The following SBF1 variants were observed in gnomAD, a reference collection of about 807,000 sequenced individuals.
SBF1 encodes the protein myotubularin-related protein 5.
SBF1 carries 65 observed loss-of-function variants against 215.8 expected under a neutral mutation model. The observed-to-expected ratio is 0.30, with a 90% confidence interval of 0.25 to 0.37. The LOEUF is 0.37. Among genes scored for constraint, SBF1 ranks in the 10% least tolerant of loss-of-function variants. The pLI is 1.00. For synonymous variants in SBF1, 1,410 were observed against 1,122.8 expected (o/e 1.26, Z -5.11); for missense variants, 2,634 against 2,667.8 (o/e 0.99, Z 0.28).
chr22:50,458,487 G>A (rs917611553), intron 28 of SBF1, among the ~76,000 whole-genome samples: 6 of 152,270 alleles, frequency 3.9e-5, no homozygotes, highest in Admixed American at 3.9e-4. Flanking sequence ...GGGGGGTGCA[G>A]GGGCGGCCCC....
At chr22:50,462,183 C>CGGT in intron 19 of SBF1, 22 bp downstream of exon 19, 1 of 1,606,832 alleles carries the variant, frequency 6.2e-7, no homozygotes, top group East Asian at 2.2e-5. Context: ...CCACTGGGCC[C>CGGT]AACCCCCAGT....
intron 1 of SBF1, among the ~76,000 whole-genome samples, 166 bp from the exon 2 acceptor site, chr22:50,468,627 G>A (rs1776046586): frequency 6.6e-6 from 1 of 151,850 alleles, no homozygotes; most frequent in Non-Finnish European, 1.5e-5. Context: ...CTTGACAGCT[G>A]CAGACCCCAG....
At chr22:50,457,274 C>T (rs1398819913) in intron 28 of SBF1, 163 bp from the exon 29 acceptor site, 4 of 524,556 alleles carry the variant, frequency 7.6e-6, no homozygotes, top group Non-Finnish European at 1.3e-5. Context: ...GAAGAGCCAT[C>T]CTGGTGTGGG....
In SBF1 at chr22:50,446,009, A is replaced by AGAT. The variant is rs2066794357; in HGVS notation, c.*1130_*1132dup. 2 of 153,290 alleles carry AGAT rather than the reference A, an allele frequency of 1.3e-5. No homozygotes were observed. The highest frequency in any genetic ancestry group is 2.4e-5 in the African/African-American group (1 of 41,430). 9.5% of individuals were successfully genotyped at this position (153,290 alleles called of 1,614,324 possible). On this transcript the variant is annotated 3_prime_UTR_variant, in exon 41 of 41. Coordinates refer to ENST00000380817, the MANE Select transcript of SBF1 (RefSeq NM_002972.4). The stretch of plus-strand genomic sequence containing the variant: ...GGCCAGGTCACCAGCTGCCACTCTC[A>AGAT]GATGTTCTCTTGGCCTTTGCAGCGT...
intron 36 of SBF1, 86 bp from the exon 37 acceptor site, chr22:50,448,736 G>C: frequency 4.5e-6 from 5 of 1,120,254 alleles, no homozygotes; most frequent in Non-Finnish European, 6.6e-6. Flanking sequence ...ACAGGAAAGA[G>C]ACACAACGGA....
chr22:50,465,857 G>C lies in SBF1; in HGVS notation c.1012-17C>G. The C allele has an allele frequency of 6.2e-6, 10 of 1,613,114 alleles. No homozygotes were observed. Among genetic ancestry groups the C allele is most frequent in the Middle Eastern group, 1.7e-4 (1 of 5,928 alleles). On this transcript the variant is annotated splice_polypyrimidine_tract_variant and intron_variant, in intron 9 of 40. Coordinates refer to ENST00000380817, the MANE Select transcript of SBF1 (RefSeq NM_002972.4). ...GTCCAGGACCTGCCAGCACAGAATG[G>C]AGCAGGCAGCTGCACGCTGGCCCCG...
intron 36 of SBF1, among the ~76,000 whole-genome samples, chr22:50,451,347 GAAA>G (rs2067040039): frequency 6.6e-6 from 1 of 151,522 alleles, no homozygotes. Context: ...CCTGTCTCAA[GAAA>G]TTAAAAAAAA....
At position 50,455,568 on chromosome 22, in the gene SBF1, C is replaced by A. The variant is rs1458459268; in HGVS notation, c.4281G>T (p.Leu1427=). The change falls in exon 32 of 41, where the codon CTG becomes CTT. Residue 1427 remains leucine, a synonymous_variant. Transcript: ENST00000380817. ...GCTCCACCACCAGCACAGACACCTG[C>A]AGCAGCTTGTGGATCTGCAGGGACA... ...SEWLIQIHKL[L]QVSVLVVELL... 1 of 1,582,342 alleles carries A rather than the reference C, an allele frequency of 6.3e-7. No individual in the cohort carries two copies.
chr22:50,454,575 C>T lies in SBF1; in HGVS notation c.4980G>A (p.Val1660=), dbSNP rs568576701. 1 of 1,611,690 alleles carries T rather than the reference C, an allele frequency of 6.2e-7. No homozygotes were observed. Among genetic ancestry groups the T allele is most frequent in the Admixed American group, 1.7e-5 (1 of 59,902 alleles). Residue 1660 remains valine (V), a synonymous_variant, in exon 36 of 41, where the codon GTG becomes GTA. Coordinates refer to ENST00000380817, the MANE Select transcript of SBF1 (RefSeq NM_002972.4). ...DGGAPQSRRR[V]VWPCYDSCPR... ...GGCAGCTGTCGTAACAGGGCCACAC[C>T]ACGCGGCGCCTGCTCTGGGGAGCGC...
At position 50,454,904 on chromosome 22, in the gene SBF1, C is replaced by A. The variant is rs1216066028; in HGVS notation, c.4722G>T (p.Val1574=). 1 of 1,614,126 alleles carries A rather than the reference C, an allele frequency of 6.2e-7. No homozygotes were observed. Among genetic ancestry groups the A allele is most frequent in the Non-Finnish European group, 8.5e-7 (1 of 1,180,028 alleles). Reference sequence around the variant, plus strand: ...CATACTCCCACACAGACCTGCACGGCACCTGGCCCCTGCGTTCCCCCTTCT... The same window carrying A: ...CATACTCCCACACAGACCTGCACGGAACCTGGCCCCTGCGTTCCCCCTTCT... ...YEEKGERRGQ[V]PCRSVWEYVD... Residue 1574 remains valine, a synonymous_variant, in exon 35 of 41, where the codon GTG becomes GTT. Coordinates refer to ENST00000380817, the MANE Select transcript of SBF1 (RefSeq NM_002972.4).
intron 10 of SBF1, 25 bp from the exon 11 acceptor site, chr22:50,465,353 G>A (rs777397372): frequency 9.1e-6 from 14 of 1,545,708 alleles, no homozygotes; most frequent in Non-Finnish European, 1.1e-5. Context: ...GAGTGCAGGT[G>A]AGAGCCAGTC....
chr22:50,474,941 A>C lies in SBF1; in HGVS notation c.-101T>G. 1 of 785,278 alleles carries C rather than the reference A, an allele frequency of 1.3e-6. No homozygotes were observed. Among genetic ancestry groups the C allele is most frequent in the Non-Finnish European group, 1.7e-6 (1 of 591,832 alleles). The allele number at this position is 785,278 out of a possible 1,614,324, so 48.6% of individuals were successfully genotyped here. A position where few individuals can be genotyped will look rare whatever the true frequency, so the allele number is the denominator to read the frequency against. On this transcript the variant is annotated 5_prime_UTR_variant, in exon 1 of 41. Transcript: ENST00000380817. ...GCCCGGCCCCGGCCCTGGACCGCGC[A>C]CCCCGGACACCCCTGGTTCGCTCCG...
In SBF1 at chr22:50,447,139, G is replaced by C; in HGVS notation, c.*3C>G. ...GCAGAGCAGCCGGGCAGGGCTGGGA[G>C]GCTCAGGCGTCCGACAGGCAGCTCT... On this transcript the variant is annotated 3_prime_UTR_variant, in exon 41 of 41. Coordinates refer to ENST00000380817, the MANE Select transcript of SBF1 (RefSeq NM_002972.4). The C allele has an allele frequency of 6.2e-7, 1 of 1,610,806 alleles. No individual in the cohort carries two copies. Among genetic ancestry groups the C allele is most frequent in the South Asian group, 1.1e-5 (1 of 90,808 alleles).
chr22:50,474,963 TCCG>T lies in SBF1; in HGVS notation c.-126_-124del, dbSNP rs1253045961. 6.1e-6 allele frequency: 3 copies of T among 491,668 alleles called. No homozygotes were observed. The highest frequency in any genetic ancestry group is 7.7e-6 in the Non-Finnish European group (3 of 389,194). 30.5% of individuals were successfully genotyped at this position (491,668 alleles called of 1,614,324 possible). A position where few individuals can be genotyped will look rare whatever the true frequency, so the allele number is the denominator to read the frequency against. Reference sequence around the variant, plus strand: ...CGCACCCCGGACACCCCTGGTTCGCTCCGCGGCGGCGGCGGCGGCGGCGGCGGC... The same window carrying T: ...CGCACCCCGGACACCCCTGGTTCGCTCGGCGGCGGCGGCGGCGGCGGCGGC... On this transcript the variant is annotated 5_prime_UTR_variant, in exon 1 of 41. Coordinates refer to ENST00000380817, the MANE Select transcript of SBF1 (RefSeq NM_002972.4).
chr22:50,466,518 G>A (rs1569513877), intron 6 of SBF1, 36 bp from the exon 7 acceptor site: 1 of 1,532,742 alleles, frequency 6.5e-7, no homozygotes, highest in East Asian at 2.5e-5. Flanking sequence ...AGGACCCTGG[G>A]CCCCCACCCA....
rs754805260 is a variant in SBF1 at position 50,459,561 on chromosome 22, G to A, written c.3597C>T (p.Ser1199=). The change falls in exon 27 of 41, where the codon AGC becomes AGT. Residue 1199 remains serine, a synonymous_variant. Transcript: ENST00000380817. ...QNRFPVVCWR[S]GRSKAVLLRS... The stretch of plus-strand genomic sequence containing the variant: ...GCAGCAGCACCGCCTTGGACCGCCC[G>A]CTGCGCCAGCAGACCACGGGGAAGC... 56 of 1,608,808 alleles carry A rather than the reference G, an allele frequency of 3.5e-5. No individual in the cohort carries two copies. Among genetic ancestry groups the A allele is most frequent in the Non-Finnish European group, 4.2e-5 (50 of 1,179,058 alleles).
chr22:50,464,470 C>T (rs1239730000), intron 14 of SBF1, 29 bp from the exon 15 acceptor site: 1 of 1,605,864 alleles, frequency 6.2e-7, no homozygotes, highest in African/African-American at 1.3e-5. Context: ...CACACTCGGA[C>T]CCCTGACCCC....
Position 50,456,885 on chromosome 22 carries a change from G to A in SBF1, c.3904+149C>T, listed in dbSNP as rs952955598. 1.6e-5 allele frequency: 12 copies of A among 745,244 alleles called. No individual in the cohort carries two copies. The Admixed American group carries it at 2.1e-4, about 13-fold the overall frequency. 46.2% of individuals were successfully genotyped at this position (745,244 alleles called of 1,614,324 possible). On this transcript the variant is annotated intron_variant, in intron 29 of 40. Transcript: ENST00000380817. ...GTTAGTTTCTAGGGCAGGACTCACG[G>A]GTCAGGGAGGTAAGGACTGGGGCTC...
chr22:50,468,809 G>A (rs2067888918), intron 1 of SBF1, among the ~76,000 whole-genome samples: 2 of 151,974 alleles, frequency 1.3e-5, no homozygotes, highest in South Asian at 2.1e-4. Context: ...ACCACCGCCA[G>A]GCCCCCACTT....
Sources: allele counts gnomAD v4.1 joint callset (sites outside exome capture counted in the v4.1 genomes callset), GRCh38; gene constraint gnomAD v4.1.1; transcripts MANE v1.5; gene names NCBI Gene and HGNC (gene_info 2026-07-23, HGNC 2026-07-21).